Variants in FCER2 observed in about 807,000 individuals in gnomAD.
FCER2 encodes low affinity immunoglobulin epsilon Fc receptor.
FCER2 carries 38 observed loss-of-function variants against 49.7 expected under a neutral mutation model. The observed-to-expected ratio is 0.76, with a 90% CI of 0.59 to 1.00. The LOEUF (loss-of-function observed/expected upper bound fraction) is 1.00, where lower values mean the gene tolerates loss of function less well. Among genes scored for constraint, FCER2 ranks in the 50% least tolerant of loss-of-function variants. The pLI, the probability that FCER2 is intolerant of heterozygous loss-of-function variation, is 0.00. For missense variants in FCER2, 425 were observed against 419.5 expected (o/e 1.01, Z -0.11); for synonymous variants, 163 against 164.6 (o/e 0.99, Z 0.07).
chr19:7,694,860 G>C (rs976659887), intron 8 of FCER2, among the ~76,000 whole-genome samples: 1 of 152,020 alleles, frequency 6.6e-6, no homozygotes, highest in Admixed American at 6.6e-5. Context: ...TCAGAGGCAA[G>C]GTCCCACTCT....
In FCER2 at chr19:7,689,401, C is replaced by CGGCTG. The variant is rs2032795663; in HGVS notation, c.753_757dup (p.Arg253ProfsTer10). 6.3e-7 allele frequency: 1 copy of CGGCTG among 1,600,000 alleles called. No individual in the cohort carries two copies. Among genetic ancestry groups the CGGCTG allele is most frequent in the Non-Finnish European group, 8.5e-7 (1 of 1,173,100 alleles). On this transcript the variant is annotated frameshift_variant, in exon 11 of 11. Coordinates refer to ENST00000597921, the MANE Select transcript of FCER2 (RefSeq NM_001220500.2). LOFTEE classifies it high-confidence loss of function. ...CATCACGCAGTCCTCGCCCTGGCTC[C>CGGCTG]GGCTGGTGGGCTCCCCTGGAGCCCA... is the stretch of plus-strand genomic sequence containing the variant.
intron 2 of FCER2, chr19:7,699,431 A>G (rs2033103514): frequency 6.9e-7 from 1 of 1,443,594 alleles, no homozygotes; most frequent in Non-Finnish European, 9.2e-7. Context: ...TTCCTGTTCT[A>G]TTTGGCCTCT....
chr19:7,695,404 T>G (rs2032984203), intron 8 of FCER2, among the ~76,000 whole-genome samples: 1 of 151,984 alleles, frequency 6.6e-6, no homozygotes, highest in Non-Finnish European at 1.5e-5. Context: ...CCAGCGAGGG[T>G]CAACACTGGA....
chr19:7,698,607 T>C (rs544482876), intron 3 of FCER2, 134 bp downstream of exon 3: 2 of 1,241,284 alleles, frequency 1.6e-6, no homozygotes, highest in East Asian at 5.1e-5. Context: ...AGTGGCAAGA[T>C]GGGAGGCAGG....
At chr19:7,693,205 C>T (rs940933002) in intron 8 of FCER2, among the ~76,000 whole-genome samples, 67 of 152,266 alleles carry the variant, frequency 4.4e-4, no homozygotes, top group Non-Finnish European at 6.9e-4. Flanking sequence ...TACCAACAGC[C>T]CTGGTCATCA....
chr19:7,697,008 C>G lies in FCER2; in HGVS notation c.379+5G>C, dbSNP rs1300577002. 6.3e-7 allele frequency: 1 copy of G among 1,588,000 alleles called. No individual in the cohort carries two copies. The highest frequency in any genetic ancestry group is 1.3e-5 in the African/African-American group (1 of 74,374). On this transcript the variant is annotated splice_donor_5th_base_variant and intron_variant, in intron 7 of 10. Coordinates refer to ENST00000597921, the MANE Select transcript of FCER2 (RefSeq NM_001220500.2). Reference sequence around the variant, plus strand: ...CCCACTGCCCCATCCCCTCCCAAGCCTCACCCTGGGACTTGAAGCTGCTCA... The same window carrying G: ...CCCACTGCCCCATCCCCTCCCAAGCGTCACCCTGGGACTTGAAGCTGCTCA...
At chr19:7,697,428 G>A (rs567980420) in intron 5 of FCER2, 99 bp downstream of exon 5, 11 of 1,459,822 alleles carry the variant, frequency 7.5e-6, no homozygotes, top group East Asian at 4.5e-5. Flanking sequence ...CCCGGGTGTC[G>A]GGGGTGGGGC....
rs2146266342 is a variant in FCER2, at chr19:7,690,253, T to C, written c.634A>G (p.Lys212Glu). 6.2e-7 allele frequency: 1 copy of C among 1,613,810 alleles called. No homozygotes were observed. Among genetic ancestry groups the C allele is most frequent in the Non-Finnish European group, 8.5e-7 (1 of 1,179,770 alleles). ...HSPEEQDFLT[K>E]HASHTGSWIG... ...CAGGAGCCGGTGTGGCTGGCATGCT[T>C]GGTCAGGAAGTCCTGGGGGACAGGA... The change falls in exon 10 of 11, where the codon AAG becomes GAG. Residue 212 changes from lysine (K) to glutamate (E), a missense_variant. Physicochemically the swap from Lys to Glu is moderately conservative, Grantham distance 56. Transcript: ENST00000597921.
At chr19:7,694,305 T>C (rs1270287439) in intron 8 of FCER2, among the ~76,000 whole-genome samples, 1 of 152,082 alleles carries the variant, frequency 6.6e-6, no homozygotes, top group Non-Finnish European at 1.5e-5. Flanking sequence ...TTTGAGGCCG[T>C]AGTGAGCCAT....
chr19:7,697,323 T>C (rs780566367), intron 5 of FCER2, 25 bp from the exon 6 acceptor site: 22 of 1,613,134 alleles, frequency 1.4e-5, no homozygotes, highest in Non-Finnish European at 1.8e-5. Context: ...GGGGGCTTCA[T>C]GGTAAGCAGG....
At position 7,698,417 on chromosome 19, in the gene FCER2, G is replaced by A. The variant is rs367682203; in HGVS notation, c.137-8C>T. Reference sequence around the variant, plus strand: ...TCTGTGTGGTGTCCCAGTCTGGGGAGGGGGAGAGAAGAGGAGTGGAGAGGG... The same window carrying A: ...TCTGTGTGGTGTCCCAGTCTGGGGAAGGGGAGAGAAGAGGAGTGGAGAGGG... On this transcript the variant is annotated splice_region_variant and splice_polypyrimidine_tract_variant and intron_variant, in intron 3 of 10. Transcript: ENST00000597921. 2.5e-6 allele frequency: 4 copies of A among 1,608,686 alleles called. No homozygotes were observed. In the Admixed American group the frequency reaches 5.0e-5, roughly 20 times the overall value.
intron 2 of FCER2, chr19:7,699,375 A>C: frequency 7.4e-7 from 1 of 1,346,338 alleles, no homozygotes; most frequent in South Asian, 1.2e-5. Context: ...CTCTGCACTC[A>C]CCCTGGCTTG....
At chr19:7,691,976 ATTCACGTCCATC>A (rs2032884904) in intron 8 of FCER2, among the ~76,000 whole-genome samples, 5 of 70,498 alleles carry the variant, frequency 7.1e-5, no homozygotes, top group South Asian at 4.8e-4. Flanking sequence ...ACACATTCAC[ATTCACGTCCATC>A]AACACATCAA....
chr19:7,697,394 G>A (rs555886538), intron 5 of FCER2, 96 bp from the exon 6 acceptor site: 4 of 1,500,142 alleles, frequency 2.7e-6, no homozygotes, highest in African/African-American at 1.4e-5. Flanking sequence ...TGGGTTCTTG[G>A]AACCACCTGC....
At position 7,689,170 on chromosome 19, in the gene FCER2, T is replaced by C. The variant is rs1220662336; in HGVS notation, c.*23A>G. On this transcript the variant is annotated 3_prime_UTR_variant, in exon 11 of 11. Transcript: ENST00000597921. ...TGGTTGGGGGTCTTCAGGGTCTTGC[T>C]CTGGGCCTGGCTGTATCCATGCTCA... The C allele has an allele frequency of 3.3e-6, 5 of 1,535,962 alleles. No individual in the cohort carries two copies. The highest frequency in any genetic ancestry group is 1.1e-5 in the South Asian group (1 of 89,358).
Position 7,700,021 on chromosome 19 carries a change from C to T in FCER2, c.-85-176G>A. The T allele has an allele frequency of 5.3e-6, 3 of 562,686 alleles. No individual in the cohort carries two copies. In the South Asian group the frequency reaches 6.2e-5, roughly 12 times the overall value. 34.9% of individuals were successfully genotyped at this position (562,686 alleles called of 1,614,324 possible). On this transcript the variant is annotated intron_variant, in intron 1 of 10. Coordinates refer to ENST00000597921, the MANE Select transcript of FCER2 (RefSeq NM_001220500.2). ...ACAGCTGGTGTGGAGAGATAGCAGC[C>T]TGAGATCAGAAGTGGGGCACTCCAG...
At chr19:7,701,201 C>A (rs1599444981) in intron 1 of FCER2, among the ~76,000 whole-genome samples, 1 of 152,304 alleles carries the variant, frequency 6.6e-6, no homozygotes, top group East Asian at 1.9e-4. Flanking sequence ...CCTTCTTTCG[C>A]TGCTTGACTA....
At chr19:7,696,731 C>T (rs2033022329) in intron 8 of FCER2, 94 bp downstream of exon 8, 6 of 860,058 alleles carry the variant, frequency 7.0e-6, no homozygotes, top group Non-Finnish European at 9.4e-6. Context: ...AGACATGCTG[C>T]CTCACGTCAC....
Position 7,696,998 on chromosome 19 carries a change from C to T in FCER2, c.379+15G>A, listed in dbSNP as rs1300156575. On this transcript the variant is annotated intron_variant, in intron 7 of 10. Transcript: ENST00000597921. ...CGTTCCCTCCCCCACTGCCCCATCC[C>T]CTCCCAAGCCTCACCCTGGGACTTG... The T allele has an allele frequency of 6.3e-7, 1 of 1,578,802 alleles. No homozygotes were observed.
Sources: allele counts gnomAD v4.1 joint callset (sites outside exome capture counted in the v4.1 genomes callset), GRCh38; gene constraint gnomAD v4.1.1; transcripts MANE v1.5; gene names NCBI Gene and HGNC (gene_info 2026-07-23, HGNC 2026-07-21).